RHBDL3: variants seen among roughly 807,000 people sequenced by gnomAD.
RHBDL3 encodes the protein rhomboid like 3.
In RHBDL3, 28 loss-of-function variants were observed where a neutral mutation model predicts 48.2. The ratio of observed to expected loss-of-function variants is 0.58; its 90% CI spans 0.43 to 0.80. RHBDL3 has a LOEUF of 0.80. Ranked by LOEUF, RHBDL3 falls within the 30% of genes least tolerant of loss-of-function variation. The pLI is 0.00. For synonymous variants in RHBDL3, 208 were observed against 232.3 expected (o/e 0.90, Z 0.95); for missense variants, 464 against 542.7 (o/e 0.85, Z 1.44).
chr17:32,313,780 C>T (rs1201464641), intron 7 of RHBDL3, among the ~76,000 whole-genome samples: 9 of 78,400 alleles, frequency 1.1e-4, no homozygotes, highest in Admixed American at 1.9e-4. Flanking sequence ...TTTTTTGAGA[C>T]GAGTCTCACT....
chr17:32,314,317 CTG>C (rs1205075365), intron 7 of RHBDL3, among the ~76,000 whole-genome samples: 6 of 152,158 alleles, frequency 3.9e-5, no homozygotes, highest in African/African-American at 1.4e-4. Flanking sequence ...TCCATAGACA[CTG>C]GGGTGGCTTC....
At chr17:32,277,583 A>C (rs2039944967) in intron 2 of RHBDL3, among the ~76,000 whole-genome samples, 1 of 152,132 alleles carries the variant, frequency 6.6e-6, no homozygotes, top group Non-Finnish European at 1.5e-5. Context: ...TCCCCAGTCA[A>C]CCCTCAGGCT....
intron 2 of RHBDL3, among the ~76,000 whole-genome samples, chr17:32,277,624 C>T (rs987806703): frequency 2.0e-5 from 3 of 152,188 alleles, no homozygotes; most frequent in African/African-American, 7.2e-5. Flanking sequence ...TCTAGCATTG[C>T]TGGAAGACTC....
chr17:32,305,583 C>T (rs2040690761), intron 7 of RHBDL3, 142 bp downstream of exon 7: 2 of 659,470 alleles, frequency 3.0e-6, no homozygotes, highest in Non-Finnish European at 5.5e-6. Context: ...TCCTCACCCT[C>T]TGCAGGCCCA....
At chr17:32,300,423 G>C (rs1037696366) in intron 6 of RHBDL3, among the ~76,000 whole-genome samples, 2 of 151,956 alleles carry the variant, frequency 1.3e-5, no homozygotes, top group African/African-American at 4.8e-5. Context: ...TGGTGGTGTA[G>C]GCCTGTAGTC....
At chr17:32,273,964 G>A (rs2039835636) in intron 2 of RHBDL3, among the ~76,000 whole-genome samples, 1 of 152,252 alleles carries the variant, frequency 6.6e-6, no homozygotes, top group Non-Finnish European at 1.5e-5. Context: ...TTGAACTCCT[G>A]GCCTCAAGCG....
chr17:32,288,933 C>T lies in RHBDL3; in HGVS notation c.436C>T (p.Arg146Trp), dbSNP rs752088057. Residue 146 changes from arginine to tryptophan, a missense_variant, in exon 4 of 9, where the codon CGG becomes TGG. Transcript: ENST00000269051. ...CCATGTGGCCTATGAGACCCTGCCCCGGGAAATTGACCGCAAGTGGTACTA... is the reference window on the plus strand; with the variant it reads ...CCATGTGGCCTATGAGACCCTGCCCTGGGAAATTGACCGCAAGTGGTACTA... ...IRHVAYETLP[R>W]EIDRKWYYDS... 6.4e-5 allele frequency: 103 copies of T among 1,614,036 alleles called. No homozygotes were observed. Among genetic ancestry groups the T allele is most frequent in the Admixed American group, 3.7e-4 (22 of 59,990 alleles).
Position 32,322,171 on chromosome 17 carries a change from C to T in RHBDL3, c.*942C>T, listed in dbSNP as rs993804851. ...TGTGTGTATGTGATGGGAAAGGTAA[C>T]TGAGGCACGACAGCGCCTGCAGAGA... On this transcript the variant is annotated 3_prime_UTR_variant, in exon 9 of 9. Transcript: ENST00000269051. 6.6e-6 allele frequency: 1 copy of T among 152,372 alleles called. No homozygotes were observed. The allele number at this position is 152,372 out of a possible 1,614,324, so 9.4% of individuals were successfully genotyped here. A position where few individuals can be genotyped will look rare whatever the true frequency, so the allele number is the denominator to read the frequency against.
chr17:32,307,638 G>A (rs1326671725), intron 7 of RHBDL3, among the ~76,000 whole-genome samples: 1 of 152,166 alleles, frequency 6.6e-6, no homozygotes, highest in African/African-American at 2.4e-5. Context: ...TCAGAGAGAG[G>A]CTGCGGGTGT....
intron 6 of RHBDL3, among the ~76,000 whole-genome samples, chr17:32,300,718 C>T (rs908158686): frequency 1.3e-5 from 2 of 152,102 alleles, no homozygotes; most frequent in African/African-American, 2.4e-5. Flanking sequence ...GAGGGGTTTG[C>T]GGATGATCGT....
intron 4 of RHBDL3, among the ~76,000 whole-genome samples, chr17:32,290,375 AG>A (rs2040299285): frequency 6.6e-6 from 1 of 152,242 alleles, no homozygotes; most frequent in South Asian, 2.1e-4. Flanking sequence ...CAGTTTGCCC[AG>A]GTTGATCAAG....
intron 2 of RHBDL3, among the ~76,000 whole-genome samples, chr17:32,277,722 G>A (rs1344656779): frequency 1.3e-5 from 2 of 152,252 alleles, no homozygotes; most frequent in East Asian, 3.8e-4. Context: ...AAAGGGGCTA[G>A]GTTCACCAAA....
chr17:32,291,245 A>T (rs968667525), intron 4 of RHBDL3, among the ~76,000 whole-genome samples: 3 of 150,484 alleles, frequency 2.0e-5, no homozygotes, highest in Non-Finnish European at 4.4e-5. Flanking sequence ...AGGCAGGAGA[A>T]TTGCTTGAAC....
chr17:32,289,846 C>T (rs535748705), intron 4 of RHBDL3, among the ~76,000 whole-genome samples: 1 of 152,336 alleles, frequency 6.6e-6, no homozygotes, highest in South Asian at 2.1e-4. Context: ...ATTACCGCCT[C>T]TGCATATGTT....
At chr17:32,270,442 A>AG (rs1247082399) in intron 2 of RHBDL3, among the ~76,000 whole-genome samples, 10 of 151,822 alleles carry the variant, frequency 6.6e-5, no homozygotes, top group Admixed American at 3.9e-4. Flanking sequence ...AGTAGCCTTG[A>AG]TCTAGCATGA....
chr17:32,290,023 C>A (rs1428812299), intron 4 of RHBDL3, among the ~76,000 whole-genome samples: 1 of 152,204 alleles, frequency 6.6e-6, no homozygotes, highest in Admixed American at 6.5e-5. Context: ...GTTCTTCAAG[C>A]GCTTACTGTG....
At chr17:32,273,158 G>T (rs368292708) in intron 2 of RHBDL3, among the ~76,000 whole-genome samples, 1 of 152,140 alleles carries the variant, frequency 6.6e-6, no homozygotes, top group Non-Finnish European at 1.5e-5. Flanking sequence ...CTGTCACCAG[G>T]CCTGGCTATT....
intron 2 of RHBDL3, chr17:32,284,399 G>A (rs1466876484): frequency 1.2e-5 from 5 of 403,240 alleles, no homozygotes; most frequent in Admixed American, 4.1e-5. Flanking sequence ...GTGAGAGGAG[G>A]CGGTTTAACC....
intron 6 of RHBDL3, among the ~76,000 whole-genome samples, chr17:32,298,433 T>C (rs1161419047): frequency 6.6e-6 from 1 of 152,182 alleles, no homozygotes; most frequent in East Asian, 1.9e-4. Flanking sequence ...AGGAGAGCAC[T>C]GGATTTGGGA....
Sources: allele counts gnomAD v4.1 joint callset (sites outside exome capture counted in the v4.1 genomes callset), GRCh38; gene constraint gnomAD v4.1.1; transcripts MANE v1.5; gene names NCBI Gene and HGNC (gene_info 2026-07-23, HGNC 2026-07-21).